SPTLC1: variants seen among roughly 807,000 people sequenced by gnomAD.
SPTLC1 encodes serine palmitoyltransferase long chain base subunit 1.
SPTLC1 carries 55 observed loss-of-function variants against 68.9 expected under a neutral mutation model. That is an observed-to-expected ratio of 0.80 (90% CI 0.64 to 1.00). The LOEUF (loss-of-function observed/expected upper bound fraction) is 1.00. SPTLC1 is among the 50% of genes least tolerant of loss of function. The pLI is 0.00. For synonymous variants in SPTLC1, 197 were observed against 201.6 expected, an observed-to-expected ratio of 0.98 and a Z score of 0.19; for missense variants, 449 against 573.1, an observed-to-expected ratio of 0.78 and a Z score of 2.21.
intron 14 of SPTLC1, among the ~76,000 whole-genome samples, chr9:92,034,367 C>T (rs1422354546): frequency 6.6e-6 from 1 of 152,214 alleles, no homozygotes; most frequent in Non-Finnish European, 1.5e-5. Context: ...TACATTTTCC[C>T]CACTGTTGCT....
At chr9:92,102,335 AC>A in intron 3 of SPTLC1, among the ~76,000 whole-genome samples, 2 of 152,386 alleles carry the variant, frequency 1.3e-5, no homozygotes, top group Middle Eastern at 3.4e-3. Flanking sequence ...GACACTATCC[AC>A]CTAACTGTTA....
chr9:92,050,472 C>A (rs765568940), intron 8 of SPTLC1: 5 of 253,548 alleles, frequency 2.0e-5, no homozygotes, highest in Non-Finnish European at 3.9e-5. Flanking sequence ...CCGTCTATTA[C>A]TCCTAGTGCT....
chr9:92,049,736 C>A (rs1202162706), intron 9 of SPTLC1, among the ~76,000 whole-genome samples: 1 of 152,120 alleles, frequency 6.6e-6, no homozygotes. Context: ...GAGCACAAAC[C>A]ATGACTACCC....
chr9:92,051,061 C>G, intron 8 of SPTLC1: 1 of 985,148 alleles, frequency 1.0e-6, no homozygotes, highest in Middle Eastern at 5.2e-4. Context: ...ATTACTGTAG[C>G]CCTATAATAT....
At chr9:92,048,480 T>C (rs960130120) in intron 9 of SPTLC1, among the ~76,000 whole-genome samples, 1 of 152,196 alleles carries the variant, frequency 6.6e-6, no homozygotes, top group African/African-American at 2.4e-5. Context: ...AAAGCATGTT[T>C]AAACCTTTCA....
chr9:92,066,616 G>A (rs1387368788), intron 6 of SPTLC1, among the ~76,000 whole-genome samples: 2 of 152,170 alleles, frequency 1.3e-5, no homozygotes, highest in East Asian at 3.8e-4. Flanking sequence ...TCATACAAAG[G>A]ACTTGGGTCT....
intron 3 of SPTLC1, among the ~76,000 whole-genome samples, chr9:92,088,462 A>T (rs1835240565): frequency 6.6e-6 from 1 of 152,166 alleles, no homozygotes; most frequent in South Asian, 2.1e-4. Context: ...TTATCATGTT[A>T]TTCAGGTTCT....
At chr9:92,067,369 T>C (rs1222663073) in intron 6 of SPTLC1, among the ~76,000 whole-genome samples, 1 of 151,778 alleles carries the variant, frequency 6.6e-6, no homozygotes, top group Non-Finnish European at 1.5e-5. Context: ...AGTCCACTCA[T>C]AGGACGACAG....
At chr9:92,046,247 T>C (rs1833510748) in intron 11 of SPTLC1, 194 bp from the exon 12 acceptor site, 1 of 605,950 alleles carries the variant, frequency 1.7e-6, no homozygotes, top group Middle Eastern at 4.5e-4. Context: ...TGGCCCCTTC[T>C]CACCTCAGTA....
At chr9:92,067,794 T>A (rs182554680) in intron 6 of SPTLC1, among the ~76,000 whole-genome samples, 172 bp downstream of exon 6, 15 of 152,280 alleles carry the variant, frequency 9.9e-5, no homozygotes, top group African/African-American at 3.1e-4. Flanking sequence ...CCGTTAAGCA[T>A]CTTTTAAGTG....
intron 6 of SPTLC1, 149 bp from the exon 7 acceptor site, chr9:92,059,457 ATT>A (rs1039133210): frequency 1.9e-5 from 16 of 832,442 alleles, no homozygotes; most frequent in Non-Finnish European, 3.1e-5. Context: ...TTTATACATC[ATT>A]GTTTGCTCTT....
intron 3 of SPTLC1, among the ~76,000 whole-genome samples, chr9:92,098,383 C>A (rs1258849477): frequency 6.6e-6 from 1 of 152,190 alleles, no homozygotes; most frequent in Non-Finnish European, 1.5e-5. Flanking sequence ...GGCCCTCCCC[C>A]TGCGGACCAG....
intron 3 of SPTLC1, among the ~76,000 whole-genome samples, chr9:92,082,991 T>C (rs944969154): frequency 1.3e-5 from 2 of 152,232 alleles, no homozygotes; most frequent in Non-Finnish European, 2.9e-5. Flanking sequence ...TCATGGCCAG[T>C]GATGGTGAGC....
intron 8 of SPTLC1, among the ~76,000 whole-genome samples, chr9:92,053,110 T>C (rs1404522182): frequency 2.0e-5 from 3 of 147,872 alleles, no homozygotes; most frequent in East Asian, 4.1e-4. Context: ...GGTATACGCA[T>C]GGCCAAACAA....
chr9:92,077,367 T>C (rs7859689), intron 5 of SPTLC1, among the ~76,000 whole-genome samples: 80,553 of 151,942 alleles, frequency 0.53, 24,547 homozygotes, highest in African/African-American at 0.85. Context: ...GGTCAGTTCT[T>C]GTTAAGAACC....
chr9:92,106,222 T>C (rs1285694202), intron 3 of SPTLC1, among the ~76,000 whole-genome samples: 1 of 152,158 alleles, frequency 6.6e-6, no homozygotes, highest in Admixed American at 6.5e-5. Flanking sequence ...CCTCCCCAAG[T>C]CTGCATTTTC....
intron 3 of SPTLC1, among the ~76,000 whole-genome samples, chr9:92,099,395 C>T (rs771273310): frequency 1.1e-4 from 17 of 152,036 alleles, no homozygotes; most frequent in South Asian, 2.1e-4. Context: ...TATACAGTCG[C>T]GTGCCATTTA....
At chr9:92,104,784 G>C (rs867266914) in intron 3 of SPTLC1, 13 of 1,533,772 alleles carry the variant, frequency 8.5e-6, no homozygotes, top group Middle Eastern at 2.3e-4. Flanking sequence ...GAGACTCAGG[G>C]AAACCTCACT....
Position 92,080,894 on chromosome 9 carries a change from T to G in SPTLC1, c.330A>C (p.Gly110=). ...CCTTAACCCTAGGGTTATCCAACAA[T>G]CCAAGAAAATTAAATGAGGCGAAGT... ...CINFASFNFL[G]LLDNPRVKAA... The change falls in exon 4 of 15, where the codon GGA becomes GGC. Residue 110 remains glycine, a synonymous_variant. Transcript: ENST00000262554. 6.2e-7 allele frequency: 1 copy of G among 1,614,060 alleles called. No individual in the cohort carries two copies. Among genetic ancestry groups the G allele is most frequent in the African/African-American group, 1.3e-5 (1 of 75,036 alleles).
Sources: allele counts gnomAD v4.1 joint callset (sites outside exome capture counted in the v4.1 genomes callset), GRCh38; gene constraint gnomAD v4.1.1; transcripts MANE v1.5; gene names NCBI Gene and HGNC (gene_info 2026-07-23, HGNC 2026-07-21).